MTUS2: variants seen among roughly 807,000 people sequenced by gnomAD.
The protein encoded by MTUS2 is microtubule-associated tumor suppressor candidate 2.
MTUS2 carries 40 observed loss-of-function variants against 114.1 expected under a neutral mutation model. The observed-to-expected ratio is 0.35, with a 90% CI of 0.27 to 0.46. MTUS2 has a LOEUF of 0.46. Ranked by LOEUF, MTUS2 falls within the 20% of genes least tolerant of loss-of-function variation. The pLI is 1.00. For missense variants in MTUS2, 1,679 were observed against 1,705.4 expected (o/e 0.98, Z 0.27); for synonymous variants, 688 against 672.0 (o/e 1.02, Z -0.37).
intron 8 of MTUS2, among the ~76,000 whole-genome samples, chr13:29,439,172 TTGAAG>T (rs1377314442): frequency 6.6e-6 from 1 of 152,226 alleles, no homozygotes; most frequent in Non-Finnish European, 1.5e-5. Context: ...TATCTCAAAC[TTGAAG>T]AGAATTTATA....
intron 1 of MTUS2, among the ~76,000 whole-genome samples, chr13:28,836,019 A>G (rs1409329724): frequency 1.5e-5 from 2 of 133,476 alleles, no homozygotes; most frequent in Admixed American, 8.3e-5. Flanking sequence ...GTTTATTAAT[A>G]AGGAGGAGTT....
At chr13:29,110,285 G>A (rs1890832765) in intron 5 of MTUS2, among the ~76,000 whole-genome samples, 1 of 152,182 alleles carries the variant, frequency 6.6e-6, no homozygotes, top group Non-Finnish European at 1.5e-5. Context: ...TTGGAAGAAT[G>A]GGAACATTTG....
intron 8 of MTUS2, among the ~76,000 whole-genome samples, chr13:29,429,076 TG>T (rs1876800697): frequency 6.6e-6 from 1 of 152,254 alleles, no homozygotes; most frequent in Non-Finnish European, 1.5e-5. Flanking sequence ...CAGAAACATT[TG>T]GTCTCACATA....
chr13:29,306,994 C>T (rs963300251), intron 6 of MTUS2: 2 of 546,006 alleles, frequency 3.7e-6, no homozygotes, highest in Non-Finnish European at 7.2e-6. Flanking sequence ...CACTGGAAAT[C>T]TCATCACCAT....
chr13:29,027,614 C>T (rs748677511), intron 3 of MTUS2, among the ~76,000 whole-genome samples: 11 of 152,160 alleles, frequency 7.2e-5, no homozygotes, highest in East Asian at 1.9e-4. Context: ...TGCAGTGGCG[C>T]GATCTCGGCT....
intron 5 of MTUS2, among the ~76,000 whole-genome samples, chr13:29,265,852 T>C (rs76925208): frequency 0.013 from 1,980 of 152,262 alleles, 27 homozygotes; most frequent in East Asian, 0.08. Flanking sequence ...CAGGCCCACC[T>C]CCACACTGGG....
Position 29,164,662 on chromosome 13 carries a change from T to C in MTUS2, c.2644+63692T>C, listed in dbSNP as rs191389909. On this transcript the variant is annotated intron_variant, in intron 5 of 15. Coordinates refer to ENST00000612955, the MANE Select transcript of MTUS2 (RefSeq NM_001033602.4). ...AGAGTGGGAGCCCACAAAGAGAAAA[T>C]GACTGAAGATAAGATCCTTCTTACA... is the stretch of plus-strand genomic sequence containing the variant. Among the ~76,000 whole-genome samples, 671 of 152,250 alleles carry C rather than the reference T, an allele frequency of 4.4e-3. 1 individual carries two copies. Among genetic ancestry groups the C allele is most frequent in the Non-Finnish European group, 6.8e-3 (460 of 68,000 alleles).
intron 6 of MTUS2, among the ~76,000 whole-genome samples, chr13:29,299,359 C>T (rs1899090948): frequency 6.6e-6 from 1 of 152,152 alleles, no homozygotes; most frequent in Non-Finnish European, 1.5e-5. Flanking sequence ...GATGGGCCTC[C>T]ATTTGTTCAA....
intron 5 of MTUS2, among the ~76,000 whole-genome samples, chr13:29,252,414 C>G (rs1292966284): frequency 2.0e-5 from 3 of 152,102 alleles, no homozygotes; most frequent in East Asian, 1.9e-4. Flanking sequence ...GATAGTTAAC[C>G]TTTTCTGGAG....
chr13:28,972,061 A>G (rs1424247227), intron 2 of MTUS2, among the ~76,000 whole-genome samples: 5 of 152,232 alleles, frequency 3.3e-5, no homozygotes, highest in African/African-American at 9.6e-5. Flanking sequence ...TATAGATGGC[A>G]TTGAGTCTGG....
At chr13:29,281,159 T>C (rs1448437196) in intron 5 of MTUS2, among the ~76,000 whole-genome samples, 1 of 152,120 alleles carries the variant, frequency 6.6e-6, no homozygotes, top group Non-Finnish European at 1.5e-5. Context: ...GTCCCCATGC[T>C]CTCTACCCCT....
chr13:29,236,680 G>A (rs1896547640), intron 5 of MTUS2, among the ~76,000 whole-genome samples: 1 of 152,222 alleles, frequency 6.6e-6, no homozygotes. Context: ...AGTGCAGAAT[G>A]TCTAGTGTCC....
rs149063061 is a variant in MTUS2, at chr13:29,215,193, T to A, written c.2645-66511T>A. ...TGTATGCTTCACGAAGTTCTCTTGC[T>A]GTGTTTTTCAGCTCTATCAAGTCAT... On this transcript the variant is annotated intron_variant, in intron 5 of 15. Coordinates refer to ENST00000612955, the MANE Select transcript of MTUS2 (RefSeq NM_001033602.4). Among the ~76,000 whole-genome samples, 1,320 of 152,106 alleles carry A rather than the reference T, an allele frequency of 8.7e-3. 15 individuals are homozygous for A. Among genetic ancestry groups the A allele is most frequent in the Admixed American group, 0.028 (427 of 15,278 alleles).
chr13:29,141,293 G>C (rs1892208946), intron 5 of MTUS2, among the ~76,000 whole-genome samples: 1 of 152,142 alleles, frequency 6.6e-6, no homozygotes, highest in African/African-American at 2.4e-5. Context: ...GTAAATAGAG[G>C]GTTGCCCAGG....
intron 4 of MTUS2, among the ~76,000 whole-genome samples, chr13:29,053,579 A>G (rs1887999449): frequency 6.6e-6 from 1 of 152,108 alleles, no homozygotes; most frequent in South Asian, 2.1e-4. Context: ...CAATCCTACT[A>G]CCTTATCCCA....
intron 9 of MTUS2, among the ~76,000 whole-genome samples, chr13:29,464,692 C>G (rs1879762764): frequency 6.6e-6 from 1 of 152,114 alleles, no homozygotes. Flanking sequence ...AATTCACAAC[C>G]TGAATTAGCG....
chr13:28,951,570 G>A (rs1882809446), intron 2 of MTUS2, among the ~76,000 whole-genome samples: 1 of 152,142 alleles, frequency 6.6e-6, no homozygotes, highest in Admixed American at 6.5e-5. Flanking sequence ...AGGCCACAGT[G>A]GGTAGATTAC....
At chr13:29,216,458 C>G (rs974362548) in intron 5 of MTUS2, among the ~76,000 whole-genome samples, 13 of 152,278 alleles carry the variant, frequency 8.5e-5, no homozygotes, top group Admixed American at 5.2e-4. Flanking sequence ...GGTGTCTTCC[C>G]CAATAGCTGC....
At chr13:29,072,974 G>A (rs941911176) in intron 4 of MTUS2, among the ~76,000 whole-genome samples, 14 of 152,030 alleles carry the variant, frequency 9.2e-5, no homozygotes, top group Admixed American at 1.3e-4. Flanking sequence ...ATTTCCTTCT[G>A]TTGGTAGCAC....
Sources: gnomAD v4.1 joint callset for allele counts (sites outside exome capture counted in the v4.1 genomes callset) on GRCh38, gnomAD v4.1.1 for gene constraint, MANE v1.5 for transcripts, NCBI Gene and HGNC (gene_info 2026-07-23, HGNC 2026-07-21) for gene names.